The following PKD1 variants were observed in gnomAD, a reference collection of about 807,000 sequenced individuals.
PKD1 encodes polycystin 1, transient receptor potential channel interacting.
A neutral mutation model predicts 361.7 loss-of-function variants in PKD1; 81 were observed. The observed-to-expected ratio is 0.22, with a 90% CI of 0.19 to 0.27. PKD1 has a LOEUF of 0.27. Among genes scored for constraint, PKD1 ranks in the 10% least tolerant of loss-of-function variants. The pLI is 1.00. For synonymous variants in PKD1, 3,615 were observed against 2,818.3 expected (o/e 1.28, Z -8.95); for missense variants, 6,399 against 6,118.3 (o/e 1.05, Z -1.53).
chr16:2,094,243 G>C, intron 34 of PKD1, 33 bp from the exon 35 acceptor site: 1 of 1,366,276 alleles, frequency 7.3e-7, no homozygotes, highest in South Asian at 1.2e-5. Flanking sequence ...AATTCATCCC[G>C]GCCTCCAGGA....
rs144124616 is a variant in PKD1 at position 2,109,734 on chromosome 16, C to A, written c.5433G>T (p.Glu1811Asp). 1.4e-4 allele frequency: 224 copies of A among 1,608,116 alleles called. No individual in the cohort carries two copies. In the African/African-American group the frequency reaches 2.6e-3, roughly 18 times the overall value. Reference protein sequence around the residue: ...PVSGLSIRASEPGGSFVAAGS... With the variant: ...PVSGLSIRASDPGGSFVAAGS... The stretch of plus-strand genomic sequence containing the variant: ...CGGCCGCCACGAAGCTGCCTCCGGG[C>A]TCGCTGGCCCTGATGCTGAGGCCAC... Residue 1811 changes from glutamate (E) to aspartate (D), a missense_variant, in exon 15 of 46, where the codon GAG becomes GAT. Glu to Asp is a conservative substitution (Grantham distance 45). Transcript: ENST00000262304.
In PKD1 at chr16:2,099,886, C is replaced by T. The variant is rs777024498; in HGVS notation, c.9898G>A (p.Gly3300Arg). 442 of 1,566,318 alleles carry T rather than the reference C, an allele frequency of 2.8e-4. No homozygotes were observed. The highest frequency in any genetic ancestry group is 3.6e-4 in the Non-Finnish European group (415 of 1,157,034). ...LFLGANAVWY[G>R]AVGDSAYSTG... ...CTGTAGGCAGAGTCGCCAACAGCCC[C>T]GTACCACACGGCGTTGGCGCCCAGG... Residue 3300 changes from glycine to arginine, a missense_variant, in exon 29 of 46, where the codon GGG becomes AGG. Physicochemically the swap from Gly to Arg is moderately radical, Grantham distance 125. Coordinates refer to ENST00000262304, the MANE Select transcript of PKD1 (RefSeq NM_001009944.3).
In PKD1 at chr16:2,117,529, T is replaced by G; in HGVS notation, c.1345A>C (p.Ser449Arg). The G allele has an allele frequency of 6.3e-7, 1 of 1,592,592 alleles. No homozygotes were observed. The highest frequency in any genetic ancestry group is 8.5e-7 in the Non-Finnish European group (1 of 1,170,788). Residue 449 changes from serine (S) to arginine (R), a missense_variant, in exon 6 of 46, where the codon AGT becomes CGT. Transcript: ENST00000262304. The stretch of plus-strand genomic sequence containing the variant: ...ACCAGGAAGCGCTGCACGGCGGGAC[T>G]GTCCACCATTGCCAGGGCGGCCCCG... ...WAGAALAMVD[S>R]PAVQRFLVSR...
In PKD1 at chr16:2,106,629, T is replaced by C. The variant is rs141293772; in HGVS notation, c.7258A>G (p.Thr2420Ala). The C allele has an allele frequency of 4.6e-5, 74 of 1,597,488 alleles. No homozygotes were observed. The African/African-American group carries it at 9.2e-4, about 20-fold the overall frequency. ...CCTGCACTGCCCGTGGATGTGGTGG[T>C]CTCATCCAGCACCAGCGTCTTGTTG... ...FSNKTLVLDE[T>A]TTSTGSAGMR... Residue 2420 changes from threonine (T) to alanine (A), a missense_variant, in exon 18 of 46, where the codon ACC (threonine) becomes GCC (alanine). Coordinates refer to ENST00000262304, the MANE Select transcript of PKD1 (RefSeq NM_001009944.3). The surrounding 1 kb of genome is among the most constrained non-coding windows in gnomAD (Gnocchi z 6.5).
chr16:2,135,352 G>C (rs563988285), intron 1 of PKD1, 123 bp downstream of exon 1: 1 of 1,066,490 alleles, frequency 9.4e-7, no homozygotes, highest in Admixed American at 5.4e-5. Context: ...CCGCCGTGCC[G>C]CGCCGGAGCC....
rs1225452472 is a variant in PKD1, at chr16:2,090,500, C to A, written c.12229G>T (p.Ala4077Ser). The A allele has an allele frequency of 3.1e-6, 5 of 1,611,480 alleles. No individual in the cohort carries two copies. Among genetic ancestry groups the A allele is most frequent in the African/African-American group, 1.3e-5 (1 of 75,010 alleles). ...PGTGLSTLCP[A>S]ESWHLSPLLC... is the part of the protein sequence containing the mutation. ...AGGGGTGACAGGTGCCAGGACTCGGCAGGACACAGGGTAGAGAGCCCAGTC... is the reference window on the plus strand; with the variant it reads ...AGGGGTGACAGGTGCCAGGACTCGGAAGGACACAGGGTAGAGAGCCCAGTC... Residue 4077 changes from alanine (A) to serine (S), a missense_variant, in exon 45 of 46, where the codon GCC (alanine) becomes TCC (serine). Physicochemically the swap from Ala to Ser is moderately conservative, Grantham distance 99. Transcript: ENST00000262304.
chr16:2,128,741 G>A lies in PKD1; in HGVS notation c.215+6734C>T, dbSNP rs1443049586. Among the ~76,000 whole-genome samples the A allele has an allele frequency of 5.3e-5, 8 of 152,262 alleles. No homozygotes were observed. The East Asian group carries it at 1.5e-3, about 29-fold the overall frequency. On this transcript the variant is annotated intron_variant, in intron 1 of 45. Transcript: ENST00000262304. ...TCTTTTTGAGACAGAGTTTCACTCT[G>A]TCTCCCAGGCTGGAGTGCAATGGTG...
In PKD1 at chr16:2,118,711, G is replaced by A. The variant is rs2092678534; in HGVS notation, c.494C>T (p.Pro165Leu). Residue 165 changes from proline to leucine, a missense_variant, in exon 4 of 46, where the codon CCT becomes CTT. Coordinates refer to ENST00000262304, the MANE Select transcript of PKD1 (RefSeq NM_001009944.3). The surrounding 1 kb of genome is among the most constrained non-coding windows in gnomAD (Gnocchi z 6.0). ...CAGPGSLAGQ[P>L]LLGIPLLDSG... is the part of the protein sequence containing the mutation. ...GTCCAGCAAGGGGATGCCAAGCAGA[G>A]GCTGGCCAGCCAGGGAGCCAGGCCC... The A allele has an allele frequency of 6.8e-7, 1 of 1,479,742 alleles. No individual in the cohort carries two copies. The highest frequency in any genetic ancestry group is 9.2e-7 in the Non-Finnish European group (1 of 1,089,238). 91.7% of individuals were successfully genotyped at this position (1,479,742 alleles called of 1,614,324 possible). A position where few individuals can be genotyped will look rare whatever the true frequency, so the allele number is the denominator to read the frequency against.
In PKD1 at chr16:2,106,496, C is replaced by T. The variant is rs4018147; in HGVS notation, c.7391G>A (p.Arg2464His). Residue 2464 changes from arginine (R) to histidine (H), a missense_variant, in exon 18 of 46, where the codon CGC becomes CAC. Transcript: ENST00000262304. This position sits in a 1 kb window ranked among gnomAD's most constrained non-coding sequence, Gnocchi z 6.5. ...SGEEEGCASIRLSPNRPPLGG... is the reference protein window; with the variant it reads ...SGEEEGCASIHLSPNRPPLGG... ...CAGCGGCGGGCGGTTGGGGGACAGG[C>T]GGATGGAGGCGCAGCCCTCCTCCTC... The T allele has an allele frequency of 4.8e-5, 76 of 1,594,162 alleles. No homozygotes were observed. The highest frequency in any genetic ancestry group is 3.4e-4 in the South Asian group (31 of 90,604).
At chr16:2,092,855 CA>C in intron 38 of PKD1, 98 bp downstream of exon 38, 1 of 1,434,994 alleles carries the variant, frequency 7.0e-7, no homozygotes, top group East Asian at 2.3e-5. Context: ...CTAGCAGCCA[CA>C]AAGGTATCTA....
rs1429994481 is a variant in PKD1, at chr16:2,090,467, C to T, written c.12262G>A (p.Val4088Met). 2 of 1,612,334 alleles carry T rather than the reference C, an allele frequency of 1.2e-6. No individual in the cohort carries two copies. The highest frequency in any genetic ancestry group is 1.7e-6 in the Non-Finnish European group (2 of 1,179,782). ...ESWHLSPLLC[V>M]GLWALRLWGA... ...CACAGCCGCAGTGCCCAGAGCCCCA[C>T]ACACAGCAGGGGTGACAGGTGCCAG... Residue 4088 changes from valine (V) to methionine (M), a missense_variant, in exon 45 of 46, where the codon GTG (valine) becomes ATG (methionine). Transcript: ENST00000262304.
intron 16 of PKD1, chr16:2,107,307 G>C: frequency 2.6e-6 from 1 of 390,456 alleles, no homozygotes; most frequent in Non-Finnish European, 4.9e-6. Context: ...ACAGACTCCT[G>C]CAGCCCTTAG....
At chr16:2,124,851 G>T (rs1296776333) in intron 1 of PKD1, among the ~76,000 whole-genome samples, 2 of 152,164 alleles carry the variant, frequency 1.3e-5, no homozygotes, top group Admixed American at 1.3e-4. Context: ...CTCCTCCCTC[G>T]GCAGGGGCAG....
At position 2,091,040 on chromosome 16, in the gene PKD1, T is replaced by G. The variant is rs1567149804; in HGVS notation, c.11847A>C (p.Ala3949=). 1 of 1,527,616 alleles carries G rather than the reference T, an allele frequency of 6.5e-7. No individual in the cohort carries two copies. Among genetic ancestry groups the G allele is most frequent in the Non-Finnish European group, 8.8e-7 (1 of 1,142,688 alleles). 94.6% of individuals were successfully genotyped at this position (1,527,616 alleles called of 1,614,324 possible). ...WLLVALTAAT[A]LVRLAQLGAA... is the part of the protein sequence containing the mutation. The stretch of plus-strand genomic sequence containing the variant: ...CACCCAGCTGGGCGAGGCGTACCAG[T>G]GCCGTGGCCGCCGTCAGCGCCACCA... Residue 3949 remains alanine (A), a synonymous_variant, in exon 43 of 46, where the codon GCA becomes GCC. Coordinates refer to ENST00000262304, the MANE Select transcript of PKD1 (RefSeq NM_001009944.3).
rs1369042225 is a variant in PKD1 at position 2,118,260 on chromosome 16, G to A, written c.732C>T (p.Cys244=). ...AAQPSSASFA[C]LSLCSGPPPP... Reference sequence around the variant, plus strand: ...GCGGGGGGCCGGAGCAGAGGGACAGGCAGGCAAAGGAGGCACTGGAGGGCT... The same window carrying A: ...GCGGGGGGCCGGAGCAGAGGGACAGACAGGCAAAGGAGGCACTGGAGGGCT... Residue 244 remains cysteine, a synonymous_variant, in exon 5 of 46, where the codon TGC becomes TGT. Coordinates refer to ENST00000262304, the MANE Select transcript of PKD1 (RefSeq NM_001009944.3). This position sits in a 1 kb window ranked among gnomAD's most constrained non-coding sequence, Gnocchi z 6.0. 7 of 1,533,370 alleles carry A rather than the reference G, an allele frequency of 4.6e-6. No homozygotes were observed. Among genetic ancestry groups the A allele is most frequent in the South Asian group, 1.2e-5 (1 of 84,382 alleles). 95.0% of individuals were successfully genotyped at this position (1,533,370 alleles called of 1,614,324 possible).
In PKD1 at chr16:2,118,842, G is replaced by A. The variant is rs773730094; in HGVS notation, c.363C>T (p.Asn121=). The A allele has an allele frequency of 5.6e-6, 9 of 1,595,772 alleles. No individual in the cohort carries two copies. The East Asian group carries it at 2.0e-4, about 36-fold the overall frequency. Residue 121 remains asparagine (N), a synonymous_variant, in exon 4 of 46, where the codon AAC becomes AAT. Transcript: ENST00000262304. This position sits in a 1 kb window ranked among gnomAD's most constrained non-coding sequence, Gnocchi z 6.0. ...FANLFNLSEI[N]LSGNPFECDC... ...CACACTCAAACGGGTTCCCACTCAG[G>A]TTTCTGCAGGGCAGGGGCAGGTGTT...
At position 2,106,554 on chromosome 16, in the gene PKD1, T is replaced by C; in HGVS notation, c.7333A>G (p.Thr2445Ala). 6.3e-7 allele frequency: 1 copy of C among 1,596,428 alleles called. No individual in the cohort carries two copies. The change falls in exon 18 of 46, where the codon ACC becomes GCC. Residue 2445 changes from threonine to alanine, a missense_variant. Coordinates refer to ENST00000262304, the MANE Select transcript of PKD1 (RefSeq NM_001009944.3). This position sits in a 1 kb window ranked among gnomAD's most constrained non-coding sequence, Gnocchi z 6.5. ...CGGCCCAGCACCGTGAGCGTGAAGGTGTATCCCTCGCCGTCCCGCAGCACG... is the reference window on the plus strand; with the variant it reads ...CGGCCCAGCACCGTGAGCGTGAAGGCGTATCCCTCGCCGTCCCGCAGCACG... Reference protein sequence around the residue: ...RGVLRDGEGYTFTLTVLGRSG... With the variant: ...RGVLRDGEGYAFTLTVLGRSG...
rs1567201387 is a variant in PKD1 at position 2,111,065 on chromosome 16, C to T, written c.4102G>A (p.Ala1368Thr). The change falls in exon 15 of 46, where the codon GCG becomes ACG. Residue 1368 changes from alanine (A) to threonine (T), a missense_variant. Coordinates refer to ENST00000262304, the MANE Select transcript of PKD1 (RefSeq NM_001009944.3). Reference protein sequence around the residue: ...ALVLSSRVNRAHYFTSICVEP... With the variant: ...ALVLSSRVNRTHYFTSICVEP... ...ACGCAGATGCTGGTGAAGTAATGCGCCCTGTTCACGCGGCTGGACAGCACC... is the reference window on the plus strand; with the variant it reads ...ACGCAGATGCTGGTGAAGTAATGCGTCCTGTTCACGCGGCTGGACAGCACC... The T allele has an allele frequency of 6.2e-7, 1 of 1,610,670 alleles. No individual in the cohort carries two copies. Among genetic ancestry groups the T allele is most frequent in the Non-Finnish European group, 8.5e-7 (1 of 1,179,792 alleles).
intron 34 of PKD1, chr16:2,095,315 G>T (rs1231756372): frequency 6.6e-6 from 1 of 152,216 alleles, no homozygotes; most frequent in African/African-American, 2.4e-5. Flanking sequence ...TTGGGAGGCT[G>T]AGGCAGATAA....
Sources: gnomAD v4.1 joint callset for allele counts (sites outside exome capture counted in the v4.1 genomes callset) on GRCh38, gnomAD v4.1.1 for gene constraint, Gnocchi (gnomAD v3.1) non-coding constraint, MANE v1.5 for transcripts, NCBI Gene and HGNC (gene_info 2026-07-23, HGNC 2026-07-21) for gene names.